Variants in GPR176 observed in about 807,000 individuals in gnomAD.
GPR176 encodes G protein-coupled receptor 176.
A neutral mutation model predicts 35.4 loss-of-function variants in GPR176; 26 were observed. That is an observed-to-expected ratio of 0.74 (90% CI 0.54 to 1.02). The LOEUF (loss-of-function observed/expected upper bound fraction) is 1.02, where lower values mean the gene tolerates loss of function less well. Ranked by LOEUF, GPR176 falls within the 50% of genes least tolerant of loss-of-function variation. GPR176 has a pLI of 0.00. For missense variants in GPR176, 597 were observed against 665.3 expected (o/e 0.90, Z 1.13); for synonymous variants, 278 against 271.3 (o/e 1.02, Z -0.24).
chr15:39,901,599 AC>A (rs1437350892), intron 1 of GPR176, among the ~76,000 whole-genome samples: 2 of 152,156 alleles, frequency 1.3e-5, no homozygotes, highest in Admixed American at 1.3e-4. Flanking sequence ...TCTTCTAATG[AC>A]CTTAGCACTT....
chr15:39,899,395 G>A (rs2033209895), intron 1 of GPR176, among the ~76,000 whole-genome samples: 1 of 152,094 alleles, frequency 6.6e-6, no homozygotes, highest in South Asian at 2.1e-4. Flanking sequence ...GACAGTAAAG[G>A]GAGCCACTCC....
chr15:39,903,713 CTT>C (rs2033344338), intron 1 of GPR176, among the ~76,000 whole-genome samples: 1 of 151,918 alleles, frequency 6.6e-6, no homozygotes, highest in African/African-American at 2.4e-5. Context: ...CATATGGAGA[CTT>C]TGAACAAAAC....
At chr15:39,840,627 A>G (rs925386916) in intron 1 of GPR176, among the ~76,000 whole-genome samples, 1 of 152,208 alleles carries the variant, frequency 6.6e-6, no homozygotes. Flanking sequence ...AACTTGAAGT[A>G]TAACAATAAT....
intron 1 of GPR176, among the ~76,000 whole-genome samples, chr15:39,818,631 T>C (rs1900071114): frequency 6.6e-6 from 1 of 152,224 alleles, no homozygotes. Context: ...TTAGCAATAA[T>C]GGTATCCCAA....
intron 1 of GPR176, among the ~76,000 whole-genome samples, chr15:39,905,587 G>A (rs2033398640): frequency 6.6e-6 from 1 of 152,090 alleles, no homozygotes; most frequent in African/African-American, 2.4e-5. Flanking sequence ...GTAAGACCCT[G>A]TGTCAGAAAA....
chr15:39,853,462 C>T (rs778450063), intron 1 of GPR176, among the ~76,000 whole-genome samples: 7 of 152,008 alleles, frequency 4.6e-5, no homozygotes, highest in African/African-American at 9.7e-5. Flanking sequence ...TTTCGCAAGA[C>T]GAAAAGTTCT....
chr15:39,816,520 G>A (rs923207817), intron 1 of GPR176, among the ~76,000 whole-genome samples: 5 of 151,970 alleles, frequency 3.3e-5, no homozygotes, highest in Non-Finnish European at 5.9e-5. Context: ...AACCACACAA[G>A]GTTATGAAAA....
chr15:39,843,644 A>G (rs981564315), intron 1 of GPR176, among the ~76,000 whole-genome samples: 1 of 152,182 alleles, frequency 6.6e-6, no homozygotes, highest in African/African-American at 2.4e-5. Flanking sequence ...CCACATTCCC[A>G]GCTAAGATGT....
At chr15:39,856,251 G>A (rs1208625693) in intron 1 of GPR176, among the ~76,000 whole-genome samples, 2 of 152,248 alleles carry the variant, frequency 1.3e-5, no homozygotes, top group Non-Finnish European at 2.9e-5. Flanking sequence ...TTTACCATAC[G>A]CTGCTTTGTT....
chr15:39,870,306 A>C (rs2031995727), intron 1 of GPR176, among the ~76,000 whole-genome samples: 1 of 152,128 alleles, frequency 6.6e-6, no homozygotes, highest in South Asian at 2.1e-4. Context: ...TTTGCCATAT[A>C]AGGTAATAGC....
At chr15:39,840,560 A>C (rs1005153592) in intron 1 of GPR176, among the ~76,000 whole-genome samples, 1 of 152,198 alleles carries the variant, frequency 6.6e-6, no homozygotes, top group African/African-American at 2.4e-5. Context: ...GCAGCACACC[A>C]ATATGGCACA....
In GPR176 at chr15:39,799,548, A is replaced by G. The variant is rs1898731049; in HGVS notation, c.*1584T>C. 6.6e-6 allele frequency: 1 copy of G among 152,278 alleles called. No individual in the cohort carries two copies. The highest frequency in any genetic ancestry group is 1.5e-5 in the Non-Finnish European group (1 of 68,086). The allele number at this position is 152,278 out of a possible 1,614,324, so 9.4% of individuals were successfully genotyped here. ...AGAAGAAAGGAAAACAAAACTCCCT[A>G]CAGGGTCTGGGCTCCCTCCAAGAGA... On this transcript the variant is annotated 3_prime_UTR_variant, in exon 3 of 3. Coordinates refer to ENST00000561100, the MANE Select transcript of GPR176 (RefSeq NM_007223.3).
chr15:39,876,948 T>C (rs2032272308), intron 1 of GPR176, among the ~76,000 whole-genome samples: 1 of 152,106 alleles, frequency 6.6e-6, no homozygotes, highest in Non-Finnish European at 1.5e-5. Flanking sequence ...TTCAAAGTAG[T>C]CTTAGAATCA....
chr15:39,819,086 T>C (rs538934154), intron 1 of GPR176, among the ~76,000 whole-genome samples: 7 of 152,294 alleles, frequency 4.6e-5, no homozygotes, highest in African/African-American at 1.7e-4. Flanking sequence ...TCTATAGGTA[T>C]ATGGAGAAAA....
intron 1 of GPR176, among the ~76,000 whole-genome samples, chr15:39,841,327 C>T (rs2029962371): frequency 6.6e-6 from 1 of 151,742 alleles, no homozygotes; most frequent in Non-Finnish European, 1.5e-5. Context: ...TGTCCCCACC[C>T]CACCCCACCC....
At chr15:39,872,000 T>G (rs1342481583) in intron 1 of GPR176, among the ~76,000 whole-genome samples, 3 of 152,208 alleles carry the variant, frequency 2.0e-5, no homozygotes, top group African/African-American at 7.2e-5. Context: ...TGAGGCCAAT[T>G]TTATCCAATT....
At chr15:39,828,296 G>C (rs1319340149) in intron 1 of GPR176, among the ~76,000 whole-genome samples, 2 of 152,178 alleles carry the variant, frequency 1.3e-5, no homozygotes, top group Non-Finnish European at 2.9e-5. Flanking sequence ...CAGGAGGAAA[G>C]GCCTCCGGCT....
intron 1 of GPR176, among the ~76,000 whole-genome samples, chr15:39,905,282 C>T (rs1229361719): frequency 6.6e-6 from 1 of 151,896 alleles, no homozygotes; most frequent in African/African-American, 2.4e-5. Flanking sequence ...TAAGAATAAC[C>T]AGAAAAGTTA....
chr15:39,892,358 C>A (rs1011794914), intron 1 of GPR176, among the ~76,000 whole-genome samples: 3 of 151,864 alleles, frequency 2.0e-5, no homozygotes, highest in Non-Finnish European at 2.9e-5. Flanking sequence ...AGTAATATGA[C>A]CAAATAAACT....
Sources: allele counts gnomAD v4.1 joint callset (sites outside exome capture counted in the v4.1 genomes callset), GRCh38; gene constraint gnomAD v4.1.1; transcripts MANE v1.5; gene names NCBI Gene and HGNC (gene_info 2026-07-23, HGNC 2026-07-21).